Variants in MAPK7 observed in about 807,000 individuals in gnomAD.
MAPK7 encodes mitogen-activated protein kinase 7.
Under a neutral mutation model 56.9 loss-of-function variants are expected in MAPK7, and 30 were observed. That is an observed-to-expected ratio of 0.53 (90% CI 0.39 to 0.72). The LOEUF is 0.72. Among genes scored for constraint, MAPK7 ranks in the 30% least tolerant of loss-of-function variants. MAPK7 has a pLI of 0.00. For missense variants in MAPK7, 952 were observed against 1,110.8 expected, an observed-to-expected ratio of 0.86 and a Z score of 2.03; for synonymous variants, 516 against 449.3, an observed-to-expected ratio of 1.15 and a Z score of -1.88.
rs1855795409 is a variant in MAPK7 at position 19,383,368 on chromosome 17, T to A, written c.*137T>A. Reference sequence around the variant, plus strand: ...CTGCAGGTTCATCTCAGACCCACCTTTCAGCCTTAAGCAGCCACCTGAGCC... The same window carrying A: ...CTGCAGGTTCATCTCAGACCCACCTATCAGCCTTAAGCAGCCACCTGAGCC... On this transcript the variant is annotated 3_prime_UTR_variant, in exon 7 of 7. Coordinates refer to ENST00000395604, the MANE Select transcript of MAPK7 (RefSeq NM_002749.4). 1 of 988,040 alleles carries A rather than the reference T, an allele frequency of 1.0e-6. No homozygotes were observed. Among genetic ancestry groups the A allele is most frequent in the Non-Finnish European group, 1.4e-6 (1 of 692,652 alleles). 61.2% of individuals were successfully genotyped at this position (988,040 alleles called of 1,614,324 possible).
At chr17:19,379,972 G>A in intron 3 of MAPK7, 25 bp downstream of exon 3, 1 of 1,603,762 alleles carries the variant, frequency 6.2e-7, no homozygotes, top group Non-Finnish European at 8.5e-7. Context: ...GGGAGAGGGA[G>A]CCAGACTTGG....
Position 19,382,296 on chromosome 17 carries a change from G to A in MAPK7, c.1993G>A (p.Ala665Thr), listed in dbSNP as rs761499978. The part of the protein sequence containing the change: ...PQIATSTSLL[A>T]AQSLVPPPGL... ...GATTGCCACCTCCACCAGCCTCCTGGCTGCCCAGTCACTTGTGCCACCCCC... is the reference window on the plus strand; with the variant it reads ...GATTGCCACCTCCACCAGCCTCCTGACTGCCCAGTCACTTGTGCCACCCCC... Residue 665 changes from alanine to threonine, a missense_variant, in exon 5 of 7, where the codon GCT becomes ACT. This residue lies in a region of MAPK7 where 234 missense variants were observed against 210.4 expected (regional missense o/e 1.11). Transcript: ENST00000395604. The A allele has an allele frequency of 1.2e-6, 2 of 1,613,046 alleles. No homozygotes were observed. Among genetic ancestry groups the A allele is most frequent in the South Asian group, 2.2e-5 (2 of 91,070 alleles).
rs1860900342 is a variant in MAPK7, at chr17:19,380,809, C to T, written c.600C>T (p.Asp200=). Residue 200 remains aspartate, a synonymous_variant, in exon 4 of 7, where the codon GAC becomes GAT. Coordinates refer to ENST00000395604, the MANE Select transcript of MAPK7 (RefSeq NM_002749.4). ...VNENCELKIG[D]FGMARGLCTS... ...AGAACTGTGAGCTCAAGATTGGTGA[C>T]TTTGGTATGGCTCGTGGCCTGTGCA... 6.2e-7 allele frequency: 1 copy of T among 1,613,174 alleles called. No homozygotes were observed. Among genetic ancestry groups the T allele is most frequent in the Admixed American group, 1.7e-5 (1 of 59,988 alleles).
rs1434867303 is a variant in MAPK7 at position 19,382,842 on chromosome 17, A to G, written c.2193A>G (p.Ser731=). The G allele has an allele frequency of 6.2e-7, 1 of 1,614,078 alleles. No homozygotes were observed. Among genetic ancestry groups the G allele is most frequent in the Non-Finnish European group, 8.5e-7 (1 of 1,180,016 alleles). Reference sequence around the variant, plus strand: ...AGGACCCCCTGCCCCCTGTGTTCTCAGGCACACCAAAGGGCAGTGGGGCTG... The same window carrying G: ...AGGACCCCCTGCCCCCTGTGTTCTCGGGCACACCAAAGGGCAGTGGGGCTG... ...QVEDPLPPVF[S]GTPKGSGAGY... The change falls in exon 6 of 7, where the codon TCA becomes TCG. Residue 731 remains serine (S), a synonymous_variant. Transcript: ENST00000395604.
In MAPK7 at chr17:19,381,476, T is replaced by G; in HGVS notation, c.1267T>G (p.Trp423Gly). ...TCCAGATGTTGAAATGCCCAGTCCC[T>G]GGGCTCCCAGTGGGGACTGTGCCAT... ...GCPDVEMPSP[W>G]APSGDCAMES... The change falls in exon 4 of 7, where the codon TGG (tryptophan) becomes GGG (glycine). Residue 423 changes from tryptophan to glycine, a missense_variant. Coordinates refer to ENST00000395604, the MANE Select transcript of MAPK7 (RefSeq NM_002749.4). The surrounding 1 kb of genome is among the most constrained non-coding windows in gnomAD (Gnocchi z 4.6). The G allele has an allele frequency of 6.2e-7, 1 of 1,614,074 alleles. No individual in the cohort carries two copies. Among genetic ancestry groups the G allele is most frequent in the Non-Finnish European group, 8.5e-7 (1 of 1,180,020 alleles).
intron 5 of MAPK7, 36 bp from the exon 6 acceptor site, chr17:19,382,777 C>T (rs1912833094): frequency 3.7e-6 from 6 of 1,608,950 alleles, no homozygotes; most frequent in Non-Finnish European, 5.1e-6. Context: ...CTACAGACCT[C>T]AGTCTGTCTG....
intron 2 of MAPK7, 22 bp from the exon 3 acceptor site, chr17:19,379,760 G>C (rs761004462): frequency 6.2e-7 from 1 of 1,612,030 alleles, no homozygotes. Context: ...CCTCTGGTAT[G>C]TCCCTTTTCC....
At chr17:19,378,399 G>A, upstream of MAPK7, 12 of 992,022 alleles carry the variant, frequency 1.2e-5, no homozygotes, top group Non-Finnish European at 1.3e-5. This position sits in a 1 kb window ranked among gnomAD's most constrained non-coding sequence, Gnocchi z 5.4. Context: ...ATTGGACGCA[G>A]TAGGTAGAAG....
Position 19,381,957 on chromosome 17 carries a change from T to G in MAPK7, c.1654T>G (p.Ser552Ala). 6.4e-7 allele frequency: 1 copy of G among 1,551,710 alleles called. No homozygotes were observed. Among genetic ancestry groups the G allele is most frequent in the Non-Finnish European group, 8.7e-7 (1 of 1,147,170 alleles). ...GGGGGCTGGGGCCTCTGGGGGCCCCTCCACTGACCCCTTGGCTGGACTAGT... is the reference window on the plus strand; with the variant it reads ...GGGGGCTGGGGCCTCTGGGGGCCCCGCCACTGACCCCTTGGCTGGACTAGT... ...ERGAGASGGP[S>A]TDPLAGLVLS... The change falls in exon 5 of 7, where the codon TCC becomes GCC. Residue 552 changes from serine to alanine, a missense_variant. Transcript: ENST00000395604. The surrounding 1 kb of genome is among the most constrained non-coding windows in gnomAD (Gnocchi z 4.6).
At position 19,382,180 on chromosome 17, in the gene MAPK7, G is replaced by T. The variant is rs377122950; in HGVS notation, c.1877G>T (p.Gly626Val). The change falls in exon 5 of 7, where the codon GGC becomes GTC. Residue 626 changes from glycine to valine, a missense_variant. Physicochemically the swap from Gly to Val is moderately radical, Grantham distance 109. Transcript: ENST00000395604. ...PQPQSAGSTSGPVPQPACPPP... is the reference protein window; with the variant it reads ...PQPQSAGSTSVPVPQPACPPP... The stretch of plus-strand genomic sequence containing the variant: ...CCACAATCTGCGGGCTCTACCTCTG[G>T]CCCTGTACCCCAGCCTGCCTGCCCA... 1.3e-5 allele frequency: 21 copies of T among 1,612,128 alleles called. No homozygotes were observed. The highest frequency in any genetic ancestry group is 1.7e-5 in the Non-Finnish European group (20 of 1,179,644).
Position 19,382,010 on chromosome 17 carries a change from G to A in MAPK7, c.1707G>A (p.Leu569=). The change falls in exon 5 of 7, where the codon TTG becomes TTA. Residue 569 remains leucine, a synonymous_variant. Transcript: ENST00000395604. The part of the protein sequence containing the change: ...LVLSDNDRSL[L]ERWTRMARPA... ...TCAGTGACAATGACAGAAGCCTGTT[G>A]GAACGCTGGACTCGAATGGCCCGGC... 1 of 1,554,960 alleles carries A rather than the reference G, an allele frequency of 6.4e-7. No individual in the cohort carries two copies. The highest frequency in any genetic ancestry group is 1.2e-5 in the South Asian group (1 of 84,726).
In MAPK7 at chr17:19,382,137, C is replaced by A; in HGVS notation, c.1834C>A (p.Gln612Lys). 2 of 1,612,606 alleles carry A rather than the reference C, an allele frequency of 1.2e-6. No homozygotes were observed. The highest frequency in any genetic ancestry group is 1.7e-6 in the Non-Finnish European group (2 of 1,179,758). ...CAGTCCTCCTCCTGGCCCTGTAGCC[C>A]AGCCCACTGGCCCGCAACCACAATC... ...PTSPPPGPVA[Q>K]PTGPQPQSAG... is the part of the protein sequence containing the mutation. Residue 612 changes from glutamine (Q) to lysine (K), a missense_variant, in exon 5 of 7, where the codon CAG becomes AAG. Physicochemically the swap from Gln to Lys is moderately conservative, Grantham distance 53. Coordinates refer to ENST00000395604, the MANE Select transcript of MAPK7 (RefSeq NM_002749.4).
rs1463198772 is a variant in MAPK7, at chr17:19,381,469, C to T, written c.1260C>T (p.Pro420=). 1.2e-6 allele frequency: 2 copies of T among 1,614,088 alleles called. No homozygotes were observed. Among genetic ancestry groups the T allele is most frequent in the East Asian group, 2.2e-5 (1 of 44,880 alleles). Residue 420 remains proline (P), a synonymous_variant, in exon 4 of 7, where the codon CCC becomes CCT. Transcript: ENST00000395604. This position sits in a 1 kb window ranked among gnomAD's most constrained non-coding sequence, Gnocchi z 4.6. ...SEPGCPDVEM[P]SPWAPSGDCA... ...CTGGCTGTCCAGATGTTGAAATGCC[C>T]AGTCCCTGGGCTCCCAGTGGGGACT...
In MAPK7 at chr17:19,381,904, G is replaced by A. The variant is rs1280178355; in HGVS notation, c.1601G>A (p.Arg534Gln). 22 of 1,558,786 alleles carry A rather than the reference G, an allele frequency of 1.4e-5. No homozygotes were observed. Among genetic ancestry groups the A allele is most frequent in the East Asian group, 4.8e-5 (2 of 41,698 alleles). Residue 534 changes from arginine (R) to glutamine (Q), a missense_variant, in exon 5 of 7, where the codon CGG becomes CAG. By Grantham distance (43) the Arg-to-Gln change is conservative (BLOSUM62 1). Transcript: ENST00000395604. This position sits in a 1 kb window ranked among gnomAD's most constrained non-coding sequence, Gnocchi z 4.6. Reference sequence around the variant, plus strand: ...GAACGAGCCAAGGAGCGGGAGAAACGGCGGCAGGAGCGGGAGCGAAAGGAA... The same window carrying A: ...GAACGAGCCAAGGAGCGGGAGAAACAGCGGCAGGAGCGGGAGCGAAAGGAA... ...RQERAKEREK[R>Q]RQERERKERG...
At position 19,381,172 on chromosome 17, in the gene MAPK7, A is replaced by G. The variant is rs1187272083; in HGVS notation, c.963A>G (p.Leu321=). ...ACCCAGGTGCCGACCGCCAGGCCCT[A>G]TCACTGCTGGGTCGCATGCTGCGTT... ...TVYPGADRQA[L]SLLGRMLRFE... The change falls in exon 4 of 7, where the codon CTA becomes CTG. Residue 321 remains leucine, a synonymous_variant. Transcript: ENST00000395604. This position sits in a 1 kb window ranked among gnomAD's most constrained non-coding sequence, Gnocchi z 4.6. The G allele has an allele frequency of 6.2e-7, 1 of 1,614,000 alleles. No homozygotes were observed. Among genetic ancestry groups the G allele is most frequent in the African/African-American group, 1.3e-5 (1 of 74,932 alleles).
Position 19,378,758 on chromosome 17 carries a change from C to G in MAPK7, c.-6+128C>G. 1.5e-6 allele frequency: 2 copies of G among 1,290,366 alleles called. No homozygotes were observed. Among genetic ancestry groups the G allele is most frequent in the Non-Finnish European group, 2.1e-6 (2 of 970,018 alleles). The allele number at this position is 1,290,366 out of a possible 1,614,324, so 79.9% of individuals were successfully genotyped here. A position where few individuals can be genotyped will look rare whatever the true frequency, so the allele number is the denominator to read the frequency against. On this transcript the variant is annotated intron_variant, in intron 1 of 6. Transcript: ENST00000395604. The surrounding 1 kb of genome is among the most constrained non-coding windows in gnomAD (Gnocchi z 5.4). ...GGCCCGGACCCCTGGGGTAGCTAGT[C>G]TGCCACGAACCAGCCGCGCGCTTCT...
intron 2 of MAPK7, chr17:19,379,339 A>G (rs1482068203): frequency 6.7e-6 from 4 of 601,142 alleles, no homozygotes; most frequent in Non-Finnish European, 1.2e-5. Context: ...CTGCCTGCCT[A>G]CTTCCTCCTT....
rs1912662243 is a variant in MAPK7 at position 19,381,510 on chromosome 17, C to T, written c.1301C>T (p.Pro434Leu). Residue 434 changes from proline to leucine, a missense_variant, in exon 4 of 7, where the codon CCA becomes CTA. By Grantham distance (98) the Pro-to-Leu change is moderately conservative. This residue lies in a region of MAPK7 where 429 missense variants were observed against 533.0 expected (regional missense o/e 0.80). Transcript: ENST00000395604. This position sits in a 1 kb window ranked among gnomAD's most constrained non-coding sequence, Gnocchi z 4.6. ...APSGDCAMES[P>L]PPAPPPCPGP... ...AGTGGGGACTGTGCCATGGAGTCTC[C>T]ACCACCAGCCCCGCCACCATGCCCC... 1 of 1,613,636 alleles carries T rather than the reference C, an allele frequency of 6.2e-7. No homozygotes were observed. The highest frequency in any genetic ancestry group is 1.3e-5 in the African/African-American group (1 of 74,922).
Position 19,382,373 on chromosome 17 carries a change from C to G in MAPK7, c.2070C>G (p.Gly690=). 4 of 1,613,568 alleles carry G rather than the reference C, an allele frequency of 2.5e-6. No homozygotes were observed. Among genetic ancestry groups the G allele is most frequent in the Non-Finnish European group, 3.4e-6 (4 of 1,180,014 alleles). ...GAGTTTTGCCTTACTTCCCACCTGG[C>G]CTGCCGCCCCCAGACGCCGGGGGAG... ...TPGVLPYFPP[G]LPPPDAGGAP... is the part of the protein sequence containing the mutation. Residue 690 remains glycine (G), a synonymous_variant, in exon 5 of 7, where the codon GGC becomes GGG. Coordinates refer to ENST00000395604, the MANE Select transcript of MAPK7 (RefSeq NM_002749.4).
Sources: allele counts gnomAD v4.1 joint callset, GRCh38; gene constraint gnomAD v4.1.1; regional missense constraint gnomAD v4.1.1; non-coding constraint Gnocchi (gnomAD v3.1); transcripts MANE v1.5; gene names NCBI Gene and HGNC (gene_info 2026-07-23, HGNC 2026-07-21).